SRBD1: variants seen among roughly 807,000 people sequenced by gnomAD.
SRBD1 encodes the protein S1 RNA binding domain 1.
In SRBD1, 88 loss-of-function variants were observed where a neutral mutation model predicts 115.3. The observed-to-expected ratio is 0.76, with a 90% CI of 0.64 to 0.91. The LOEUF (loss-of-function observed/expected upper bound fraction) is 0.91, where lower values mean the gene tolerates loss of function less well. Ranked by LOEUF, SRBD1 falls within the 40% of genes least tolerant of loss-of-function variation. SRBD1 has a pLI of 0.00. For missense variants in SRBD1, 1,385 were observed against 1,177.4 expected, an observed-to-expected ratio of 1.18 and a Z score of -2.58; for synonymous variants, 509 against 407.7, an observed-to-expected ratio of 1.25 and a Z score of -2.99.
intron 4 of SRBD1, among the ~76,000 whole-genome samples, chr2:45,592,903 G>C (rs769474910): frequency 1.3e-5 from 2 of 152,106 alleles, no homozygotes; most frequent in Non-Finnish European, 2.9e-5. Flanking sequence ...GTTTAATAAC[G>C]TGTGTTTGAG....
intron 14 of SRBD1, among the ~76,000 whole-genome samples, chr2:45,526,265 C>T (rs778181945): frequency 3.9e-5 from 6 of 152,004 alleles, no homozygotes; most frequent in Middle Eastern, 3.4e-3. Flanking sequence ...GAATATTATT[C>T]GGCCATAAAA....
chr2:45,584,260 C>T (rs1399162208), intron 5 of SRBD1, among the ~76,000 whole-genome samples: 1 of 152,228 alleles, frequency 6.6e-6, no homozygotes, highest in Non-Finnish European at 1.5e-5. Context: ...CAGTAATCTA[C>T]TGGAGACGAG....
intron 16 of SRBD1, among the ~76,000 whole-genome samples, chr2:45,428,218 A>C (rs1285625051): frequency 1.3e-5 from 2 of 152,208 alleles, no homozygotes; most frequent in African/African-American, 4.8e-5. Flanking sequence ...ACACAACTAC[A>C]TGGAAACTGA....
chr2:45,418,329 G>T (rs1003938757), intron 18 of SRBD1, 36 bp downstream of exon 18: 2 of 1,598,586 alleles, frequency 1.3e-6, no homozygotes, highest in African/African-American at 2.7e-5. Flanking sequence ...AAGAGAGGAG[G>T]TTGACAATAG....
chr2:45,545,987 T>C (rs1005272078), intron 14 of SRBD1, among the ~76,000 whole-genome samples: 31 of 152,366 alleles, frequency 2.0e-4, no homozygotes, highest in African/African-American at 5.5e-4. Flanking sequence ...GTTTTCTCAC[T>C]AGCAGTGGGA....
At chr2:45,396,465 A>G (rs1369800791) in intron 19 of SRBD1, among the ~76,000 whole-genome samples, 1 of 152,166 alleles carries the variant, frequency 6.6e-6, no homozygotes, top group Non-Finnish European at 1.5e-5. Flanking sequence ...CAGGTTGGTA[A>G]GGACTGCTGT....
At chr2:45,414,507 G>A (rs905910324) in intron 18 of SRBD1, among the ~76,000 whole-genome samples, 2 of 150,618 alleles carry the variant, frequency 1.3e-5, no homozygotes, top group Non-Finnish European at 3.0e-5. Flanking sequence ...TAGTGTGTGT[G>A]TACACACATA....
At chr2:45,488,359 A>G (rs1360589770) in intron 14 of SRBD1, 28 bp from the exon 15 acceptor site, 1 of 1,587,580 alleles carries the variant, frequency 6.3e-7, no homozygotes, top group Admixed American at 1.7e-5. Context: ...GGGGAATATC[A>G]CTTTCCTAAC....
At chr2:45,567,124 A>G (rs1572785931) in intron 9 of SRBD1, among the ~76,000 whole-genome samples, 1 of 152,204 alleles carries the variant, frequency 6.6e-6, no homozygotes. Flanking sequence ...TTCATGTTGA[A>G]AAGAATGTCA....
chr2:45,396,356 G>T (rs1485323303), intron 19 of SRBD1, among the ~76,000 whole-genome samples: 1 of 152,114 alleles, frequency 6.6e-6, no homozygotes, highest in Non-Finnish European at 1.5e-5. Flanking sequence ...AACCTGCAAA[G>T]AAATTATATA....
At chr2:45,496,486 T>C (rs1670463148) in intron 14 of SRBD1, among the ~76,000 whole-genome samples, 1 of 151,586 alleles carries the variant, frequency 6.6e-6, no homozygotes, top group South Asian at 2.1e-4. Flanking sequence ...ATAATAATAA[T>C]AATTAAAAAG....
chr2:45,413,048 A>G, intron 19 of SRBD1, 66 bp downstream of exon 19: 3 of 1,512,980 alleles, frequency 2.0e-6, no homozygotes, highest in Non-Finnish European at 2.7e-6. Flanking sequence ...ATGCCAAAAC[A>G]AAGGCCATTT....
At chr2:45,393,448 T>C (rs912603431) in intron 19 of SRBD1, among the ~76,000 whole-genome samples, 5 of 152,208 alleles carry the variant, frequency 3.3e-5, no homozygotes, top group African/African-American at 1.2e-4. Flanking sequence ...TGACAAGATC[T>C]CAGCTCACCA....
intron 14 of SRBD1, among the ~76,000 whole-genome samples, chr2:45,504,809 A>C (rs1322903683): frequency 6.6e-6 from 1 of 152,144 alleles, no homozygotes; most frequent in African/African-American, 2.4e-5. Context: ...GCCCTTTTAG[A>C]TTTGATGGTC....
intron 1 of SRBD1, among the ~76,000 whole-genome samples, chr2:45,611,007 G>A (rs549236703): frequency 6.6e-6 from 1 of 152,298 alleles, no homozygotes; most frequent in South Asian, 2.1e-4. Flanking sequence ...GCTGAAAAGA[G>A]GTGTCACGAG....
chr2:45,588,349 G>C (rs1053561171), intron 4 of SRBD1, among the ~76,000 whole-genome samples: 1 of 152,156 alleles, frequency 6.6e-6, no homozygotes, highest in Non-Finnish European at 1.5e-5. Context: ...CCTAGAACAA[G>C]GCCAGTTACT....
At position 45,571,711 on chromosome 2, in the gene SRBD1, A is replaced by C. The variant is rs1013244398; in HGVS notation, c.1305+1496T>G. 3.3e-5 allele frequency among the ~76,000 whole-genome samples: 5 copies of C among 152,134 alleles called. No individual in the cohort carries two copies. The East Asian group carries it at 9.6e-4, about 29-fold the overall frequency. On this transcript the variant is annotated intron_variant, in intron 9 of 20. Coordinates refer to ENST00000263736, the MANE Select transcript of SRBD1 (RefSeq NM_018079.5). The stretch of plus-strand genomic sequence containing the variant: ...GAGTTAGAAATTATAAAAAAGAACA[A>C]AATAGAAATTACGGAGCTGAAAAGT...
At chr2:45,455,654 G>A (rs1346360381) in intron 16 of SRBD1, among the ~76,000 whole-genome samples, 2 of 151,832 alleles carry the variant, frequency 1.3e-5, no homozygotes, top group South Asian at 4.2e-4. Flanking sequence ...GGGATAACAA[G>A]CAAACATTTT....
At chr2:45,563,492 C>G (rs932606207) in intron 9 of SRBD1, among the ~76,000 whole-genome samples, 1 of 151,492 alleles carries the variant, frequency 6.6e-6, no homozygotes, top group African/African-American at 2.4e-5. Context: ...AATAGAAAAG[C>G]AATAAATATC....
Sources: allele counts gnomAD v4.1 joint callset (sites outside exome capture counted in the v4.1 genomes callset), GRCh38; gene constraint gnomAD v4.1.1; transcripts MANE v1.5; gene names NCBI Gene and HGNC (gene_info 2026-07-23, HGNC 2026-07-21).